Variants in PCLO observed in about 807,000 individuals in gnomAD.
The protein encoded by PCLO is piccolo presynaptic cytomatrix protein, also known as protein piccolo.
Under a neutral mutation model 427.5 loss-of-function variants are expected in PCLO, and 82 were observed. That is an observed-to-expected ratio of 0.19 (90% CI 0.16 to 0.23). The LOEUF is 0.23. Ranked by LOEUF, PCLO falls within the 10% of genes least tolerant of loss-of-function variation. PCLO has a pLI of 1.00. For synonymous variants in PCLO, 2,357 were observed against 2,155.4 expected, an observed-to-expected ratio of 1.09 and a Z score of -2.59; for missense variants, 6,239 against 6,115.9, an observed-to-expected ratio of 1.02 and a Z score of -0.67.
At chr7:82,861,115 C>T (rs1360991190) in intron 10 of PCLO, among the ~76,000 whole-genome samples, 1 of 151,860 alleles carries the variant, frequency 6.6e-6, no homozygotes, top group Non-Finnish European at 1.5e-5. Flanking sequence ...TCAGTAATAA[C>T]ATTGAATGTA....
At chr7:82,964,660 A>G (rs982818920) in intron 4 of PCLO, among the ~76,000 whole-genome samples, 4 of 152,210 alleles carry the variant, frequency 2.6e-5, no homozygotes, top group African/African-American at 4.8e-5. Flanking sequence ...ACAAAGGGAC[A>G]AACAGTACCA....
At chr7:82,840,240 C>T (rs924033946) in intron 14 of PCLO, among the ~76,000 whole-genome samples, 1 of 152,064 alleles carries the variant, frequency 6.6e-6, no homozygotes. Flanking sequence ...ACAGCCGGAT[C>T]TGGAGTACAG....
At chr7:82,848,537 C>G (rs1486238152) in intron 10 of PCLO, among the ~76,000 whole-genome samples, 2 of 151,834 alleles carry the variant, frequency 1.3e-5, no homozygotes, top group Non-Finnish European at 2.9e-5. Flanking sequence ...TCTCAAACTC[C>G]TAACCTCAAA....
intron 22 of PCLO, among the ~76,000 whole-genome samples, chr7:82,796,422 C>T (rs1791224942): frequency 1.3e-5 from 2 of 152,016 alleles, no homozygotes; most frequent in Non-Finnish European, 2.9e-5. Flanking sequence ...TCTATATACC[C>T]CCAATCTTTT....
At chr7:82,909,743 G>A (rs988444611) in intron 7 of PCLO, among the ~76,000 whole-genome samples, 1 of 151,962 alleles carries the variant, frequency 6.6e-6, no homozygotes, top group African/African-American at 2.4e-5. Flanking sequence ...CCATGATTAC[G>A]TAGTAGCCTA....
At position 82,854,053 on chromosome 7, in the gene PCLO, T is replaced by C. The variant is rs1372959015; in HGVS notation, c.13655-6806A>G. Among the ~76,000 whole-genome samples the C allele has an allele frequency of 2.0e-5, 3 of 152,288 alleles. No individual in the cohort carries two copies. In the East Asian group the frequency reaches 5.8e-4, roughly 29 times the overall value. ...CTTATCTATAGCTGTTCTTGACATA[T>C]ACAGTAAAACTTCCCCAAGCATAGA... is the stretch of plus-strand genomic sequence containing the variant. On this transcript the variant is annotated intron_variant, in intron 10 of 24. Coordinates refer to ENST00000333891, the MANE Select transcript of PCLO (RefSeq NM_033026.6).
rs758019863 is a variant in PCLO at position 82,953,298 on chromosome 7, T to C, written c.7655A>G (p.Tyr2552Cys). Residue 2552 changes from tyrosine (Y) to cysteine (C), a missense_variant, in exon 5 of 25, where the codon TAT becomes TGT. Transcript: ENST00000333891. ...MTLNLVTSADYKLPSPTSPLS... is the reference protein window; with the variant it reads ...MTLNLVTSADCKLPSPTSPLS... ...TGGGGAGGTAGGGGAAGGCAATTTA[T>C]AATCTGCTGAAGTCACTAAATTTAA... The C allele has an allele frequency of 6.2e-7, 1 of 1,613,718 alleles. No individual in the cohort carries two copies. The highest frequency in any genetic ancestry group is 1.1e-5 in the South Asian group (1 of 91,066).
At chr7:82,770,170 G>C (rs1184258885) in intron 22 of PCLO, among the ~76,000 whole-genome samples, 1 of 151,944 alleles carries the variant, frequency 6.6e-6, no homozygotes, top group Non-Finnish European at 1.5e-5. Flanking sequence ...AATTACAAAG[G>C]TAAATTGTTA....
chr7:83,127,975 C>T (rs530308615), intron 3 of PCLO, among the ~76,000 whole-genome samples: 1 of 152,100 alleles, frequency 6.6e-6, no homozygotes, highest in East Asian at 1.9e-4. Context: ...AAAAAATAAT[C>T]ACACAAATAT....
chr7:83,098,522 T>A (rs150501025), intron 3 of PCLO, among the ~76,000 whole-genome samples: 133 of 152,276 alleles, frequency 8.7e-4, no homozygotes, highest in South Asian at 1.9e-3. Context: ...TATATATCTG[T>A]GGAACACTTC....
chr7:83,136,428 C>A (rs1047384661), intron 2 of PCLO, among the ~76,000 whole-genome samples: 1 of 151,980 alleles, frequency 6.6e-6, no homozygotes, highest in Non-Finnish European at 1.5e-5. Flanking sequence ...GGCTCATAAT[C>A]AATTTTAAGA....
rs766196855 is a variant in PCLO, at chr7:82,953,525, T to A, written c.7428A>T (p.Thr2476=). 2.7e-5 allele frequency: 43 copies of A among 1,613,280 alleles called. No individual in the cohort carries two copies. The highest frequency in any genetic ancestry group is 4.0e-5 in the African/African-American group (3 of 74,774). ...AVLRSNGLPV[T]RICTTAPPPV... is the part of the protein sequence containing the mutation. ...GAGGAGGTGCAGTAGTACATATTCT[T>A]GTAACAGGTAATCCATTACTTCTCA... Residue 2476 remains threonine (T), a synonymous_variant, in exon 5 of 25, where the codon ACA becomes ACT. Coordinates refer to ENST00000333891, the MANE Select transcript of PCLO (RefSeq NM_033026.6).
intron 3 of PCLO, among the ~76,000 whole-genome samples, chr7:83,111,787 C>A (rs544563564): frequency 6.6e-6 from 1 of 152,234 alleles, no homozygotes; most frequent in South Asian, 2.1e-4. Context: ...TGTTACATAG[C>A]AATATAAAAT....
Position 82,965,759 on chromosome 7 carries a change from A to C in PCLO, c.4017+12T>G. The stretch of plus-strand genomic sequence containing the variant: ...ACATGAGAGTGTGAGAAGTTAGTAA[A>C]ATTTAACTTACTGTTTTTTCTTTCC... On this transcript the variant is annotated intron_variant, in intron 4 of 24. Coordinates refer to ENST00000333891, the MANE Select transcript of PCLO (RefSeq NM_033026.6). 6.4e-7 allele frequency: 1 copy of C among 1,559,304 alleles called. No homozygotes were observed. The highest frequency in any genetic ancestry group is 8.7e-7 in the Non-Finnish European group (1 of 1,150,284).
chr7:82,893,436 G>C (rs10234643), intron 9 of PCLO, among the ~76,000 whole-genome samples: 1 of 151,980 alleles, frequency 6.6e-6, no homozygotes, highest in Non-Finnish European at 1.5e-5. Flanking sequence ...GGTCAGGGAA[G>C]GGGGGAGGGA....
At chr7:82,985,774 TTTTA>T (rs1462863921) in intron 3 of PCLO, among the ~76,000 whole-genome samples, 1 of 151,958 alleles carries the variant, frequency 6.6e-6, no homozygotes, top group Non-Finnish European at 1.5e-5. Context: ...AGTCGAGACT[TTTTA>T]TTTATTAAAA....
chr7:83,093,472 G>GTGTGTGTGTGTATATATATA lies in PCLO; in HGVS notation c.3300+40777_3300+40778insTATATATATACACACACACA, dbSNP rs745824155. On this transcript the variant is annotated intron_variant, in intron 3 of 24. Transcript: ENST00000333891. ...ACCACAAACATATATATGTGTGTGT[G>GTGTGTGTGTGTATATATATA]TATAGATATATATATATATATTTTT... Among the ~76,000 whole-genome samples, 33 of 99,152 alleles carry GTGTGTGTGTGTATATATATA rather than the reference G, an allele frequency of 3.3e-4. 1 individual carries two copies. Among genetic ancestry groups the GTGTGTGTGTGTATATATATA allele is most frequent in the Admixed American group, 4.9e-4 (4 of 8,144 alleles). The allele number at this position is 99,152 out of a possible 152,430, so 65.0% of individuals were successfully genotyped here.
intron 3 of PCLO, among the ~76,000 whole-genome samples, chr7:83,090,853 G>A (rs1233060151): frequency 1.3e-5 from 2 of 151,842 alleles, no homozygotes; most frequent in East Asian, 3.9e-4. Context: ...GCAAAATATT[G>A]TACCCTCCTA....
intron 3 of PCLO, among the ~76,000 whole-genome samples, chr7:83,056,259 A>G (rs1789376860): frequency 6.6e-6 from 1 of 152,144 alleles, no homozygotes; most frequent in East Asian, 1.9e-4. Flanking sequence ...ATAAAATTGG[A>G]GATTCACTGA....
Sources: gnomAD v4.1 joint callset for allele counts (sites outside exome capture counted in the v4.1 genomes callset) on GRCh38, gnomAD v4.1.1 for gene constraint, MANE v1.5 for transcripts, NCBI Gene and HGNC (gene_info 2026-07-23, HGNC 2026-07-21) for gene names.